Variants in CASZ1 observed in about 807,000 individuals in gnomAD.
CASZ1 encodes the protein zinc finger protein castor homolog 1.
A neutral mutation model predicts 135.2 loss-of-function variants in CASZ1; 28 were observed. That is an observed-to-expected ratio of 0.21 (90% CI 0.15 to 0.28). The LOEUF is 0.28. CASZ1 is among the 10% of genes least tolerant of loss of function. CASZ1 has a pLI of 1.00. For missense variants in CASZ1, 2,161 were observed against 2,453.3 expected (o/e 0.88, Z 2.52); for synonymous variants, 1,068 against 1,073.4 (o/e 0.99, Z 0.10).
chr1:10,705,041 C>T (rs570131862), intron 3 of CASZ1, among the ~76,000 whole-genome samples: 35 of 152,344 alleles, frequency 2.3e-4, no homozygotes, highest in African/African-American at 6.3e-4. Context: ...CTCCGAGGAG[C>T]GAAGGCAGGA....
At position 10,762,236 on chromosome 1, in the gene CASZ1, CA is replaced by C. The variant is rs142191474; in HGVS notation, c.-233-1380del. ...AGACCAGCTCCCTGGGGGAGGCCAT[CA>C]GGGGTGGACAGCATCCACTGTCCAA... On this transcript the variant is annotated intron_variant, in intron 1 of 20. Coordinates refer to ENST00000377022, the MANE Select transcript of CASZ1 (RefSeq NM_001079843.3). This position sits in a 1 kb window ranked among gnomAD's most constrained non-coding sequence, Gnocchi z 4.1. Among the ~76,000 whole-genome samples the C allele has an allele frequency of 0.011, 1,658 of 151,880 alleles. 24 individuals are homozygous for C. Among genetic ancestry groups the C allele is most frequent in the African/African-American group, 0.038 (1,583 of 41,390 alleles).
chr1:10,751,583 T>C (rs958836689), intron 2 of CASZ1, among the ~76,000 whole-genome samples: 2 of 152,194 alleles, frequency 1.3e-5, no homozygotes, highest in African/African-American at 2.4e-5. Flanking sequence ...CCCACGCTAA[T>C]GATGTTGGTC....
chr1:10,783,275 G>A (rs996391158), intron 1 of CASZ1, among the ~76,000 whole-genome samples: 1 of 136,576 alleles, frequency 7.3e-6, no homozygotes, highest in East Asian at 2.0e-4. Context: ...GTGTGTGTGT[G>A]TGTATGTGTG....
chr1:10,713,084 G>A (rs1639316806), intron 2 of CASZ1, among the ~76,000 whole-genome samples: 2 of 152,172 alleles, frequency 1.3e-5, no homozygotes, highest in South Asian at 4.2e-4. Context: ...CCCTGCCTTG[G>A]CCCAGGAACT....
At chr1:10,743,856 G>A (rs564379715) in intron 2 of CASZ1, among the ~76,000 whole-genome samples, 4 of 150,666 alleles carry the variant, frequency 2.7e-5, no homozygotes, top group African/African-American at 9.8e-5. Flanking sequence ...AGGAAAGGGA[G>A]GGAGGGAGGG....
rs539296907 is a variant in CASZ1 at position 10,706,535 on chromosome 1, G to C, written c.-76-991C>G. Among the ~76,000 whole-genome samples the C allele has an allele frequency of 6.6e-6, 1 of 152,318 alleles. No homozygotes were observed. Among genetic ancestry groups the C allele is most frequent in the African/African-American group, 2.4e-5 (1 of 41,564 alleles). On this transcript the variant is annotated intron_variant, in intron 2 of 20. Coordinates refer to ENST00000377022, the MANE Select transcript of CASZ1 (RefSeq NM_001079843.3). This position sits in a 1 kb window ranked among gnomAD's most constrained non-coding sequence, Gnocchi z 4.3. ...ATGTAATCCCCAAATCAGATTGGGG[G>C]GATTGTGGGAGATGAGGTGACCTTG...
At chr1:10,715,348 G>A (rs1030355589) in intron 2 of CASZ1, among the ~76,000 whole-genome samples, 12 of 152,052 alleles carry the variant, frequency 7.9e-5, no homozygotes, top group African/African-American at 1.9e-4. Context: ...TCCTGTACCC[G>A]CGCTAGGCAG....
chr1:10,670,051 G>A (rs1557490946), intron 4 of CASZ1, among the ~76,000 whole-genome samples: 1 of 152,228 alleles, frequency 6.6e-6, no homozygotes, highest in Non-Finnish European at 1.5e-5. Context: ...TATATCAGGA[G>A]GTGGGGAGGC....
At chr1:10,695,186 G>A (rs1638901967) in intron 3 of CASZ1, among the ~76,000 whole-genome samples, 1 of 151,216 alleles carries the variant, frequency 6.6e-6, no homozygotes, top group African/African-American at 2.4e-5. Context: ...GCGAGGCGGG[G>A]CAGGGCGCAG....
Position 10,700,954 on chromosome 1 carries a change from G to C in CASZ1, c.-24+4538C>G, listed in dbSNP as rs1446235307. On this transcript the variant is annotated intron_variant, in intron 3 of 20. Transcript: ENST00000377022. The surrounding 1 kb of genome is among the most constrained non-coding windows in gnomAD (Gnocchi z 4.2). ...TATTAAAAAGTGGGGGAAAGACGGG[G>C]GATCATATTAGCACTTCCTGAATAG... 1.3e-5 allele frequency among the ~76,000 whole-genome samples: 2 copies of C among 152,134 alleles called. No individual in the cohort carries two copies. Among genetic ancestry groups the C allele is most frequent in the East Asian group, 3.8e-4 (2 of 5,198 alleles).
At chr1:10,768,096 C>T (rs965807431) in intron 1 of CASZ1, among the ~76,000 whole-genome samples, 1 of 152,246 alleles carries the variant, frequency 6.6e-6, no homozygotes, top group East Asian at 1.9e-4. Context: ...CCAGCCTCTA[C>T]CATGGTGCTT....
rs1243316853 is a variant in CASZ1 at position 10,794,574 on chromosome 1, T to C, written c.-234+1990A>G. Among the ~76,000 whole-genome samples, 2 of 151,964 alleles carry C rather than the reference T, an allele frequency of 1.3e-5. No individual in the cohort carries two copies. Among genetic ancestry groups the C allele is most frequent in the Admixed American group, 6.6e-5 (1 of 15,260 alleles). ...AGCCAGCGTGGCTGGAAGGAGGTCC[T>C]CGCCGCGCCCAGAGCCGGCTTTCCA... On this transcript the variant is annotated intron_variant, in intron 1 of 20. Coordinates refer to ENST00000377022, the MANE Select transcript of CASZ1 (RefSeq NM_001079843.3). The surrounding 1 kb of genome is among the most constrained non-coding windows in gnomAD (Gnocchi z 5.6).
At chr1:10,695,284 C>T (rs1020415765) in intron 3 of CASZ1, among the ~76,000 whole-genome samples, 3 of 152,054 alleles carry the variant, frequency 2.0e-5, no homozygotes, top group Non-Finnish European at 4.4e-5. Flanking sequence ...GTTTCCTCGG[C>T]GTTGCTTTGG....
At position 10,660,411 on chromosome 1, in the gene CASZ1, C is replaced by T. The variant is rs777968660; in HGVS notation, c.631G>A (p.Ala211Thr). The T allele has an allele frequency of 3.6e-5, 58 of 1,614,052 alleles. 1 individual carries two copies. The South Asian group carries it at 5.2e-4, about 14-fold the overall frequency. ...ARKISFEKLH[A>T]GSTPEAATSS... ...GTGGCTGCCTCCGGGGTGGAGCCCG[C>T]GTGCAGCTTCTCAAAGCTGATCTTC... Residue 211 changes from alanine (A) to threonine (T), a missense_variant, in exon 6 of 21, where the codon GCG (alanine) becomes ACG (threonine). Ala to Thr is a moderately conservative substitution (Grantham distance 58). Coordinates refer to ENST00000377022, the MANE Select transcript of CASZ1 (RefSeq NM_001079843.3).
chr1:10,656,560 C>G (rs939778700), intron 8 of CASZ1, 86 bp downstream of exon 8: 70 of 1,010,072 alleles, frequency 6.9e-5, no homozygotes, highest in Middle Eastern at 4.6e-4. Flanking sequence ...TAACCCCCCC[C>G]ACTGCCGTCC....
chr1:10,658,697 C>T (rs1642893302), intron 6 of CASZ1, 121 bp from the exon 7 acceptor site: 22 of 846,842 alleles, frequency 2.6e-5, no homozygotes, highest in South Asian at 1.3e-4. Context: ...CTGCAGTGTC[C>T]GAGGCACCCA....
Position 10,665,143 on chromosome 1 carries a change from T to C in CASZ1, c.445A>G (p.Lys149Glu). 1 of 1,532,456 alleles carries C rather than the reference T, an allele frequency of 6.5e-7. No individual in the cohort carries two copies. The highest frequency in any genetic ancestry group is 8.8e-7 in the Non-Finnish European group (1 of 1,137,884). The allele number at this position is 1,532,456 out of a possible 1,614,324, so 94.9% of individuals were successfully genotyped here. A position where few individuals can be genotyped will look rare whatever the true frequency, so the allele number is the denominator to read the frequency against. The change falls in exon 5 of 21, where the codon AAG (lysine) becomes GAG (glutamate). Residue 149 changes from lysine (K) to glutamate (E), a missense_variant. This residue lies in a region of CASZ1 where 590 missense variants were observed against 609.8 expected (regional missense o/e 0.97). Transcript: ENST00000377022. ...TTGGAGGCTGCCCCGTCCGAATCCTTCTCCTCCAGGGCACCGCCGTCCTTG... is the reference window on the plus strand; with the variant it reads ...TTGGAGGCTGCCCCGTCCGAATCCTCCTCCTCCAGGGCACCGCCGTCCTTG... ...PSKDGGALEE[K>E]DSDGAASKED...
At chr1:10,795,862 G>A (rs921089917) in intron 1 of CASZ1, among the ~76,000 whole-genome samples, 12 of 152,174 alleles carry the variant, frequency 7.9e-5, no homozygotes, top group Middle Eastern at 3.2e-3. Flanking sequence ...GATACCCTTT[G>A]GCACCCCGCG....
In CASZ1 at chr1:10,762,125, G is replaced by A. The variant is rs1291978767; in HGVS notation, c.-233-1268C>T. ...CCTCCCCTCCTGCCTCCCAAGGTTG[G>A]ACCTGAGTGCGAGGGGGAGTTGGCT... is the stretch of plus-strand genomic sequence containing the variant. On this transcript the variant is annotated intron_variant, in intron 1 of 20. Coordinates refer to ENST00000377022, the MANE Select transcript of CASZ1 (RefSeq NM_001079843.3). The surrounding 1 kb of genome is among the most constrained non-coding windows in gnomAD (Gnocchi z 4.1). Among the ~76,000 whole-genome samples the A allele has an allele frequency of 1.3e-5, 2 of 152,088 alleles. No individual in the cohort carries two copies. The highest frequency in any genetic ancestry group is 2.9e-5 in the Non-Finnish European group (2 of 68,016).
Sources: allele counts gnomAD v4.1 joint callset (sites outside exome capture counted in the v4.1 genomes callset), GRCh38; gene constraint gnomAD v4.1.1; regional missense constraint gnomAD v4.1.1; non-coding constraint Gnocchi (gnomAD v3.1); transcripts MANE v1.5; gene names NCBI Gene and HGNC (gene_info 2026-07-23, HGNC 2026-07-21).